The following SPOCK3 variants were observed in gnomAD, a reference collection of about 807,000 sequenced individuals.
SPOCK3 encodes SPARC (osteonectin), cwcv and kazal like domains proteoglycan 3.
SPOCK3 carries 30 observed loss-of-function variants against 56.6 expected under a neutral mutation model. That is an observed-to-expected ratio of 0.53 (90% CI 0.40 to 0.72). SPOCK3 has a LOEUF of 0.72. Among genes scored for constraint, SPOCK3 ranks in the 30% least tolerant of loss-of-function variants. SPOCK3 has a pLI of 0.00. For synonymous variants in SPOCK3, 196 were observed against 183.3 expected (o/e 1.07, Z -0.56); for missense variants, 527 against 530.0 (o/e 0.99, Z 0.06).
At chr4:166,994,855 A>T (rs939664913) in intron 4 of SPOCK3, among the ~76,000 whole-genome samples, 2 of 152,114 alleles carry the variant, frequency 1.3e-5, no homozygotes, top group Non-Finnish European at 2.9e-5. Flanking sequence ...TAATAGAATA[A>T]CTGGAGAACC....
At chr4:166,849,600 T>C (rs1446487239) in intron 6 of SPOCK3, among the ~76,000 whole-genome samples, 1 of 152,188 alleles carries the variant, frequency 6.6e-6, no homozygotes, top group Non-Finnish European at 1.5e-5. Flanking sequence ...TGTGTTGAAA[T>C]ACACATAACA....
At chr4:166,843,825 A>T (rs1161844274) in intron 6 of SPOCK3, among the ~76,000 whole-genome samples, 2 of 152,208 alleles carry the variant, frequency 1.3e-5, no homozygotes, top group East Asian at 3.8e-4. Flanking sequence ...TGTCAATGGG[A>T]TGTTGCCAAA....
Position 166,912,682 on chromosome 4 carries a change from G to A in SPOCK3, c.412C>T (p.Gln138Ter), listed in dbSNP as rs1395698414. The change falls in exon 5 of 11, where the codon CAG (glutamine) becomes TAG (stop). Residue 138 changes from glutamine (Q) to a stop codon, truncating the protein, a stop_gained. Transcript: ENST00000357545. LOFTEE classifies it high-confidence loss of function. ...GGGCTGGGATAGACCACTGGGCACT[G>A]CTTGCAGGTGGATAATATGGGACCC... is the stretch of plus-strand genomic sequence containing the variant. ...WRGPILSTCK[Q>*]CPVVYPSPVC... 1 of 1,613,422 alleles carries A rather than the reference G, an allele frequency of 6.2e-7. No individual in the cohort carries two copies. Among genetic ancestry groups the A allele is most frequent in the Non-Finnish European group, 8.5e-7 (1 of 1,179,652 alleles).
At chr4:167,115,063 CT>C (rs1432853562) in intron 2 of SPOCK3, among the ~76,000 whole-genome samples, 8 of 151,982 alleles carry the variant, frequency 5.3e-5, no homozygotes, top group Non-Finnish European at 1.0e-4. Flanking sequence ...GATTATATAG[CT>C]ACGGGAAACA....
intron 6 of SPOCK3, among the ~76,000 whole-genome samples, chr4:166,844,555 T>C (rs1336782820): frequency 6.6e-6 from 1 of 152,210 alleles, no homozygotes; most frequent in Non-Finnish European, 1.5e-5. Context: ...AAGCAAAAGG[T>C]TGACTTCTTG....
intron 10 of SPOCK3, 119 bp from the exon 11 acceptor site, chr4:166,735,209 A>G: frequency 1.5e-6 from 1 of 654,966 alleles, no homozygotes; most frequent in East Asian, 3.0e-5. Flanking sequence ...TTTCTATCTT[A>G]TTTATCAAAG....
rs750027652 is a variant in SPOCK3, at chr4:166,906,482, T to TTA, written c.474+6137_474+6138insTA. ...ACCATGCCTGGCCTGGTTGGCTACA[T>TTA]AAAAAAAAAAAAAAAAAAACCTACC... On this transcript the variant is annotated intron_variant, in intron 5 of 10. Coordinates refer to ENST00000357545, the MANE Select transcript of SPOCK3 (RefSeq NM_001040159.2). 6.5e-5 allele frequency among the ~76,000 whole-genome samples: 7 copies of TTA among 107,478 alleles called. 1 individual carries two copies. The South Asian group carries it at 1.1e-3, about 17-fold the overall frequency. The allele number at this position is 107,478 out of a possible 152,430, so 70.5% of individuals were successfully genotyped here.
intron 5 of SPOCK3, among the ~76,000 whole-genome samples, chr4:166,910,222 C>G (rs546800686): frequency 6.6e-6 from 1 of 152,106 alleles, no homozygotes; most frequent in East Asian, 1.9e-4. Flanking sequence ...TTAGAATTAA[C>G]AGAAATAAAA....
At chr4:167,213,145 T>A (rs1735040166) in intron 2 of SPOCK3, among the ~76,000 whole-genome samples, 1 of 152,248 alleles carries the variant, frequency 6.6e-6, no homozygotes, top group Non-Finnish European at 1.5e-5. Flanking sequence ...CAGCCTATGC[T>A]AATTGATGGC....
At chr4:166,986,176 T>G (rs567554779) in intron 4 of SPOCK3, among the ~76,000 whole-genome samples, 1 of 152,208 alleles carries the variant, frequency 6.6e-6, no homozygotes, top group Admixed American at 6.5e-5. Context: ...GAATTTCTTC[T>G]TTTTATGTAT....
intron 4 of SPOCK3, among the ~76,000 whole-genome samples, chr4:166,918,033 T>G (rs1480119993): frequency 6.6e-6 from 1 of 152,160 alleles, no homozygotes. Flanking sequence ...ATCATTTGCT[T>G]TTTAAAATTC....
chr4:166,846,078 A>T (rs1357598110), intron 6 of SPOCK3, among the ~76,000 whole-genome samples: 3 of 152,178 alleles, frequency 2.0e-5, no homozygotes, highest in Non-Finnish European at 4.4e-5. Context: ...GCTAAGACTA[A>T]ATGAGGGCTA....
At chr4:167,164,260 A>T (rs773667666) in intron 2 of SPOCK3, among the ~76,000 whole-genome samples, 23 of 152,138 alleles carry the variant, frequency 1.5e-4, no homozygotes, top group Non-Finnish European at 1.9e-4. Context: ...ATATTTCAGC[A>T]TATTCACATA....
intron 3 of SPOCK3, among the ~76,000 whole-genome samples, chr4:167,055,991 A>G (rs1180333762): frequency 1.3e-5 from 2 of 152,210 alleles, no homozygotes; most frequent in Admixed American, 1.3e-4. Context: ...GAACGGGCAG[A>G]CTGCCTCCTG....
At chr4:167,067,016 T>A (rs1213335071) in intron 2 of SPOCK3, among the ~76,000 whole-genome samples, 1 of 151,804 alleles carries the variant, frequency 6.6e-6, no homozygotes, top group East Asian at 1.9e-4. Flanking sequence ...AAGGAATAAT[T>A]TGGATTGGCA....
At chr4:166,849,449 C>T (rs935363809) in intron 6 of SPOCK3, among the ~76,000 whole-genome samples, 1 of 151,730 alleles carries the variant, frequency 6.6e-6, no homozygotes, top group Non-Finnish European at 1.5e-5. Context: ...GGAGTCTGCA[C>T]CCCACAGGAG....
chr4:166,769,858 T>G (rs978353770), intron 7 of SPOCK3, among the ~76,000 whole-genome samples: 2 of 152,134 alleles, frequency 1.3e-5, no homozygotes, highest in African/African-American at 4.8e-5. Context: ...TCCTGGCAGC[T>G]TTGTTTACCT....
At chr4:167,120,784 A>T (rs1761798753) in intron 2 of SPOCK3, among the ~76,000 whole-genome samples, 1 of 126,272 alleles carries the variant, frequency 7.9e-6, no homozygotes. Context: ...AACATCAAAA[A>T]TGGTTATCTT....
At chr4:167,105,463 T>TAAAAA (rs552028589) in intron 2 of SPOCK3, among the ~76,000 whole-genome samples, 1 of 98,688 alleles carries the variant, frequency 1.0e-5, no homozygotes, top group Non-Finnish European at 2.0e-5. Context: ...ACACAAAAAT[T>TAAAAA]AAAAAAAAAA....
Sources: gnomAD v4.1 joint callset for allele counts (sites outside exome capture counted in the v4.1 genomes callset) on GRCh38, gnomAD v4.1.1 for gene constraint, MANE v1.5 for transcripts, NCBI Gene and HGNC (gene_info 2026-07-23, HGNC 2026-07-21) for gene names.